MAGI1: variants seen among roughly 807,000 people sequenced by gnomAD.
The protein encoded by MAGI1 is membrane associated guanylate kinase, WW and PDZ domain containing 1.
In MAGI1, 58 loss-of-function variants were observed where a neutral mutation model predicts 139.9. That is an observed-to-expected ratio of 0.41 (90% CI 0.34 to 0.52). The LOEUF is 0.52. MAGI1 is among the 20% of genes least tolerant of loss of function. The pLI is 0.12. For synonymous variants in MAGI1, 812 were observed against 737.9 expected (o/e 1.10, Z -1.63); for missense variants, 1,874 against 1,901.6 (o/e 0.99, Z 0.27).
chr3:65,517,457 C>A (rs149583719), intron 2 of MAGI1, among the ~76,000 whole-genome samples: 1 of 152,290 alleles, frequency 6.6e-6, no homozygotes, highest in Non-Finnish European at 1.5e-5. Flanking sequence ...CCAAATCTAC[C>A]CTTCCAAACA....
intron 18 of MAGI1, among the ~76,000 whole-genome samples, chr3:65,369,430 C>T (rs898715349): frequency 2.6e-5 from 4 of 152,020 alleles, no homozygotes; most frequent in Non-Finnish European, 4.4e-5. Flanking sequence ...TCAGAGTAGA[C>T]TCACGCACTG....
At chr3:65,609,774 C>T in intron 2 of MAGI1, 2 of 342,930 alleles carry the variant, frequency 5.8e-6, no homozygotes, top group South Asian at 4.9e-5. Flanking sequence ...ATGGGGTCTC[C>T]CAATGTTGCC....
intron 1 of MAGI1, among the ~76,000 whole-genome samples, chr3:65,831,993 C>T (rs1242127944): frequency 2.6e-5 from 4 of 152,280 alleles, no homozygotes; most frequent in African/African-American, 7.2e-5. Context: ...CCAATAATCT[C>T]GAGAGACCTT....
chr3:65,440,039 G>C, intron 8 of MAGI1, 27 bp from the exon 9 acceptor site: 1 of 1,612,790 alleles, frequency 6.2e-7, no homozygotes, highest in Non-Finnish European at 8.5e-7. Context: ...ATAGTATTCA[G>C]CTTGAAACAG....
chr3:65,374,348 C>A (rs1162349613), intron 18 of MAGI1, among the ~76,000 whole-genome samples: 2 of 114,814 alleles, frequency 1.7e-5, no homozygotes, highest in African/African-American at 6.8e-5. Context: ...AGATGAGTCT[C>A]GCCCTGTTGC....
At chr3:65,382,327 A>G (rs540078664) in intron 15 of MAGI1, among the ~76,000 whole-genome samples, 3 of 152,186 alleles carry the variant, frequency 2.0e-5, no homozygotes, top group Non-Finnish European at 4.4e-5. Context: ...TCCCCTTTGC[A>G]GATATAAATT....
At chr3:65,608,168 G>A (rs746222612) in intron 2 of MAGI1, among the ~76,000 whole-genome samples, 11 of 152,156 alleles carry the variant, frequency 7.2e-5, no homozygotes, top group Non-Finnish European at 1.3e-4. Context: ...GGGACCGGGT[G>A]GAGTGGCTCA....
In MAGI1 at chr3:65,478,701, CT is replaced by C; in HGVS notation, c.647del (p.Gln216ArgfsTer18). 1.2e-6 allele frequency: 2 copies of C among 1,614,084 alleles called. No homozygotes were observed. The highest frequency in any genetic ancestry group is 1.7e-6 in the Non-Finnish European group (2 of 1,179,988). ...ALHSLQSGSK[Q>X]STPKRTKSYN... ...AGGACTTGGTTCGCTTCGGGGTCGA[CT>C]GCTTAGAGCCAGACTGAAGGCTGTG... On this transcript the variant is annotated frameshift_variant, in exon 4 of 23. Transcript: ENST00000402939. LOFTEE classifies it high-confidence loss of function.
At chr3:65,761,309 G>A (rs551751778) in intron 1 of MAGI1, among the ~76,000 whole-genome samples, 5 of 152,198 alleles carry the variant, frequency 3.3e-5, no homozygotes, top group Middle Eastern at 3.4e-3. Flanking sequence ...TATCAGATAC[G>A]AGATTAAAAT....
At chr3:65,690,790 A>C (rs957042214) in intron 1 of MAGI1, among the ~76,000 whole-genome samples, 2 of 116,774 alleles carry the variant, frequency 1.7e-5, no homozygotes, top group African/African-American at 4.1e-5. Context: ...CACCACATCC[A>C]GCCTAGATCT....
chr3:65,628,449 T>C (rs1040374981), intron 1 of MAGI1, among the ~76,000 whole-genome samples: 3 of 152,064 alleles, frequency 2.0e-5, no homozygotes, highest in African/African-American at 4.8e-5. Flanking sequence ...CCAAATGGCA[T>C]TACACAGGAC....
chr3:65,481,756 C>T (rs2107625906), intron 3 of MAGI1, among the ~76,000 whole-genome samples: 1 of 152,246 alleles, frequency 6.6e-6, no homozygotes, highest in East Asian at 1.9e-4. Context: ...GCATTTATGG[C>T]AGAAATAATA....
intron 1 of MAGI1, among the ~76,000 whole-genome samples, chr3:65,975,806 T>C (rs965333560): frequency 1.3e-5 from 2 of 152,186 alleles, no homozygotes; most frequent in African/African-American, 4.8e-5. Flanking sequence ...CTCAAGCTCT[T>C]CTCTGACCGT....
At chr3:65,865,584 A>G (rs931263037) in intron 1 of MAGI1, among the ~76,000 whole-genome samples, 3 of 152,220 alleles carry the variant, frequency 2.0e-5, no homozygotes, top group Non-Finnish European at 2.9e-5. Flanking sequence ...TGACAGAGTG[A>G]GATCCTGTCT....
chr3:65,621,308 T>C (rs956681421), intron 2 of MAGI1, among the ~76,000 whole-genome samples: 2 of 152,248 alleles, frequency 1.3e-5, no homozygotes, highest in Admixed American at 6.5e-5. Context: ...TATCCAACCA[T>C]AGACAGACAG....
In MAGI1 at chr3:65,846,538, G is replaced by A. The variant is rs116757402; in HGVS notation, c.313+191458C>T. Reference sequence around the variant, plus strand: ...GCTCTGCCACCAGAGTCATAATAGGGCCCCACAAAGGTCCTTATAGTAAGT... The same window carrying A: ...GCTCTGCCACCAGAGTCATAATAGGACCCCACAAAGGTCCTTATAGTAAGT... On this transcript the variant is annotated intron_variant, in intron 1 of 22. Coordinates refer to ENST00000402939, the MANE Select transcript of MAGI1 (RefSeq NM_001033057.2). 5.7e-3 allele frequency among the ~76,000 whole-genome samples: 867 copies of A among 152,268 alleles called. 6 individuals are homozygous for A. Among genetic ancestry groups the A allele is most frequent in the Non-Finnish European group, 8.8e-3 (600 of 68,020 alleles).
intron 1 of MAGI1, among the ~76,000 whole-genome samples, chr3:65,919,504 G>A (rs1021303091): frequency 2.6e-5 from 4 of 151,950 alleles, no homozygotes; most frequent in African/African-American, 9.7e-5. Flanking sequence ...TGAGGCTGTA[G>A]TGAGCTACAG....
At chr3:65,538,754 G>A (rs145487268) in intron 2 of MAGI1, among the ~76,000 whole-genome samples, 14 of 152,174 alleles carry the variant, frequency 9.2e-5, no homozygotes, top group Non-Finnish European at 1.9e-4. Flanking sequence ...CAGACCCAGA[G>A]CAGACTCGTT....
chr3:65,508,773 G>A (rs922819153), intron 2 of MAGI1, among the ~76,000 whole-genome samples: 2 of 152,152 alleles, frequency 1.3e-5, no homozygotes, highest in African/African-American at 2.4e-5. Context: ...AGAAAAAACT[G>A]GGGAGTTTTG....
Sources: gnomAD v4.1 joint callset for allele counts (sites outside exome capture counted in the v4.1 genomes callset) on GRCh38, gnomAD v4.1.1 for gene constraint, MANE v1.5 for transcripts, NCBI Gene and HGNC (gene_info 2026-07-23, HGNC 2026-07-21) for gene names.